FMN1: variants seen among roughly 807,000 people sequenced by gnomAD.
The protein encoded by FMN1 is formin 1, also known as formin-1.
FMN1 carries 110 observed loss-of-function variants against 132.4 expected under a neutral mutation model. That is an observed-to-expected ratio of 0.83 (90% CI 0.71 to 0.97). The LOEUF (loss-of-function observed/expected upper bound fraction) is 0.97, where lower values mean the gene tolerates loss of function less well. Ranked by LOEUF, FMN1 falls within the 50% of genes least tolerant of loss-of-function variation. FMN1 has a pLI of 0.00. For synonymous variants in FMN1, 722 were observed against 651.7 expected (o/e 1.11, Z -1.64); for missense variants, 1,792 against 1,705.3 (o/e 1.05, Z -0.90).
At chr15:33,065,608 T>C (rs1352972109) in intron 5 of FMN1, among the ~76,000 whole-genome samples, 1 of 152,232 alleles carries the variant, frequency 6.6e-6, no homozygotes, top group Admixed American at 6.5e-5. Context: ...TGTTGATTTT[T>C]ACAACTAGGA....
intron 4 of FMN1, among the ~76,000 whole-genome samples, chr15:33,108,854 A>G (rs2039587748): frequency 1.3e-5 from 2 of 152,094 alleles, no homozygotes; most frequent in South Asian, 4.1e-4. Context: ...ATTCATCCTA[A>G]ATTTCACACA....
intron 5 of FMN1, chr15:33,067,203 G>A (rs374570801): frequency 1.1e-5 from 17 of 1,613,270 alleles, no homozygotes; most frequent in African/African-American, 9.3e-5. Context: ...CTGGGGCGAC[G>A]CTCTGTCTGA....
intron 17 of FMN1, among the ~76,000 whole-genome samples, chr15:32,853,738 G>T (rs2059062085): frequency 6.6e-6 from 1 of 152,186 alleles, no homozygotes; most frequent in Non-Finnish European, 1.5e-5. Context: ...ATACATTTCA[G>T]AAATGTAGAG....
chr15:32,874,605 C>A (rs925063292), intron 16 of FMN1, among the ~76,000 whole-genome samples: 2 of 152,094 alleles, frequency 1.3e-5, no homozygotes, highest in Non-Finnish European at 2.9e-5. Flanking sequence ...CAAGTATTAT[C>A]TCTGTTCTCA....
At chr15:32,971,867 G>A (rs563574752) in intron 7 of FMN1, among the ~76,000 whole-genome samples, 4 of 152,166 alleles carry the variant, frequency 2.6e-5, no homozygotes, top group African/African-American at 9.6e-5. Flanking sequence ...AAAAGCCCTG[G>A]CCCCACCTCC....
At chr15:33,133,808 G>C (rs1038263273) in intron 4 of FMN1, among the ~76,000 whole-genome samples, 1 of 152,046 alleles carries the variant, frequency 6.6e-6, no homozygotes, top group African/African-American at 2.4e-5. Context: ...TAGGTGTGCC[G>C]ACTTCCAACC....
chr15:33,061,764 T>C (rs1009692545), intron 6 of FMN1, among the ~76,000 whole-genome samples: 1 of 151,918 alleles, frequency 6.6e-6, no homozygotes, highest in Non-Finnish European at 1.5e-5. Context: ...TCCTAAACAA[T>C]ATAGAGGAAA....
At chr15:32,889,002 G>A (rs1039235916) in intron 15 of FMN1, among the ~76,000 whole-genome samples, 1 of 151,936 alleles carries the variant, frequency 6.6e-6, no homozygotes, top group Non-Finnish European at 1.5e-5. Context: ...CCACAGGTAC[G>A]TGCCACCATA....
intron 19 of FMN1, among the ~76,000 whole-genome samples, chr15:32,787,556 T>C (rs577839589): frequency 6.6e-6 from 1 of 152,322 alleles, no homozygotes; most frequent in South Asian, 2.1e-4. Context: ...ATTTAGCCTT[T>C]AAAAGTTATT....
chr15:33,153,926 A>G lies in FMN1; in HGVS notation c.989T>C (p.Val330Ala). The G allele has an allele frequency of 6.5e-7, 1 of 1,536,776 alleles. No homozygotes were observed. Among genetic ancestry groups the G allele is most frequent in the Non-Finnish European group, 8.7e-7 (1 of 1,147,058 alleles). ...TCKQKPVSKV[V>A]AKVQDLSSQV... Reference sequence around the variant, plus strand: ...GGAGGACAGGTCCTGAACTTTGGCCACCACTTTGGAGACAGGTTTCTGCTT... The same window carrying G: ...GGAGGACAGGTCCTGAACTTTGGCCGCCACTTTGGAGACAGGTTTCTGCTT... Residue 330 changes from valine (V) to alanine (A), a missense_variant, in exon 4 of 21, where the codon GTG becomes GCG. Around this residue, in one of 3 missense-constraint regions of FMN1, gnomAD observed 638 missense variants for 645.2 expected, o/e 0.99. Transcript: ENST00000616417.
chr15:32,961,262 T>C (rs2030507225), intron 9 of FMN1, among the ~76,000 whole-genome samples: 1 of 151,600 alleles, frequency 6.6e-6, no homozygotes, highest in African/African-American at 2.4e-5. Context: ...GCCTCCCGAG[T>C]AGCTGAGATT....
chr15:32,825,093 G>C (rs2058330327), intron 17 of FMN1, among the ~76,000 whole-genome samples: 1 of 152,116 alleles, frequency 6.6e-6, no homozygotes, highest in South Asian at 2.1e-4. Flanking sequence ...ACATAGTCTT[G>C]AATTCATCCA....
At chr15:32,903,871 G>A (rs2060355663) in intron 12 of FMN1, among the ~76,000 whole-genome samples, 1 of 152,054 alleles carries the variant, frequency 6.6e-6, no homozygotes, top group Non-Finnish European at 1.5e-5. Flanking sequence ...AGCTCTTAAA[G>A]AATCTTAAAT....
At chr15:32,876,512 G>C (rs1011461479) in intron 16 of FMN1, among the ~76,000 whole-genome samples, 1 of 152,172 alleles carries the variant, frequency 6.6e-6, no homozygotes, top group African/African-American at 2.4e-5. Context: ...TTAACAAATG[G>C]ATCACAGCAG....
chr15:32,999,853 C>A (rs1472366728), intron 7 of FMN1, among the ~76,000 whole-genome samples: 1 of 152,166 alleles, frequency 6.6e-6, no homozygotes, highest in Non-Finnish European at 1.5e-5. Context: ...AGACAAAGGG[C>A]ATGTACTTTT....
intron 4 of FMN1, chr15:33,106,288 AC>A (rs2039482376): frequency 1.3e-5 from 2 of 151,702 alleles, no homozygotes; most frequent in Admixed American, 6.6e-5. Flanking sequence ...ACACACACAC[AC>A]ACACACGCAC....
At chr15:33,006,439 T>C (rs984590034) in intron 7 of FMN1, among the ~76,000 whole-genome samples, 11 of 152,116 alleles carry the variant, frequency 7.2e-5, no homozygotes, top group Admixed American at 2.0e-4. Context: ...ATGCACACTG[T>C]TGGTAGGAAT....
rs747609208 is a variant in FMN1 at position 32,908,558 on chromosome 15, C to T, written c.3309G>A (p.Leu1103=). 3 of 1,598,944 alleles carry T rather than the reference C, an allele frequency of 1.9e-6. No homozygotes were observed. The highest frequency in any genetic ancestry group is 1.7e-6 in the Non-Finnish European group (2 of 1,170,428). Residue 1103 remains leucine, a synonymous_variant, in exon 12 of 21, where the codon CTG becomes CTA. Coordinates refer to ENST00000616417, the MANE Select transcript of FMN1 (RefSeq NM_001277313.2). ...LYENRAQEDE[L]VKIRKYYETS... ...TCTCGTAATACTTTCTTATTTTAAC[C>T]AGCTCATCCTCTTGGGCTCTCTGTA...
chr15:33,041,201 A>C (rs759299332), intron 6 of FMN1, among the ~76,000 whole-genome samples: 11 of 152,088 alleles, frequency 7.2e-5, no homozygotes, highest in South Asian at 4.1e-4. Context: ...TTAAATAATT[A>C]AATTCAAACT....
Sources: gnomAD v4.1 joint callset for allele counts (sites outside exome capture counted in the v4.1 genomes callset) on GRCh38, gnomAD v4.1.1 for gene constraint, gnomAD v4.1.1 regional missense constraint, MANE v1.5 for transcripts, NCBI Gene and HGNC (gene_info 2026-07-23, HGNC 2026-07-21) for gene names.